LRRC52: variants seen among roughly 807,000 people sequenced by gnomAD.
The protein encoded by LRRC52 is leucine rich repeat containing 52, also known as leucine-rich repeat-containing protein 52.
Under a neutral mutation model 14.7 loss-of-function variants are expected in LRRC52, and 15 were observed. The ratio of observed to expected loss-of-function variants is 1.02; its 90% CI spans 0.68 to 1.58. The LOEUF (loss-of-function observed/expected upper bound fraction) is 1.58. LRRC52 is among the 40% of genes most tolerant of loss of function. LRRC52 has a pLI of 0.00. For missense variants in LRRC52, 400 were observed against 387.7 expected, an observed-to-expected ratio of 1.03 and a Z score of -0.27; for synonymous variants, 180 against 163.9, an observed-to-expected ratio of 1.10 and a Z score of -0.75.
In LRRC52 at chr1:165,563,886, C is replaced by A; in HGVS notation, c.*62C>A. ...CTCCCTGCTTTCTCTCTTGCCCTCCCCATCCCACCACCTTGGAGCTGTCAT... is the reference window on the plus strand; with the variant it reads ...CTCCCTGCTTTCTCTCTTGCCCTCCACATCCCACCACCTTGGAGCTGTCAT... On this transcript the variant is annotated 3_prime_UTR_variant, in exon 2 of 2. Coordinates refer to ENST00000294818, the MANE Select transcript of LRRC52 (RefSeq NM_001005214.4). The A allele has an allele frequency of 1.3e-6, 2 of 1,499,206 alleles. No individual in the cohort carries two copies. The highest frequency in any genetic ancestry group is 1.2e-5 in the South Asian group (1 of 81,140). 92.9% of individuals were successfully genotyped at this position (1,499,206 alleles called of 1,614,324 possible).
At chr1:165,562,097 G>A (rs750553989) in intron 1 of LRRC52, among the ~76,000 whole-genome samples, 7 of 152,136 alleles carry the variant, frequency 4.6e-5, no homozygotes, top group Non-Finnish European at 8.8e-5. Context: ...TCCCACTTAC[G>A]CAAAGCAAGC....
intron 1 of LRRC52, among the ~76,000 whole-genome samples, chr1:165,546,609 C>G (rs1478433523): frequency 1.3e-5 from 2 of 152,096 alleles, no homozygotes; most frequent in African/African-American, 4.8e-5. Context: ...CCCTCCCCAC[C>G]ATACATGCAC....
chr1:165,555,888 G>A (rs1661224073), intron 1 of LRRC52, among the ~76,000 whole-genome samples: 1 of 152,214 alleles, frequency 6.6e-6, no homozygotes, highest in Non-Finnish European at 1.5e-5. Context: ...ATTTTTCTGA[G>A]CAGATGGGTA....
At chr1:165,545,859 T>C (rs1022953993) in intron 1 of LRRC52, among the ~76,000 whole-genome samples, 1 of 152,178 alleles carries the variant, frequency 6.6e-6, no homozygotes, top group Non-Finnish European at 1.5e-5. Flanking sequence ...GCCACTGATG[T>C]AATCCGGCAA....
intron 1 of LRRC52, among the ~76,000 whole-genome samples, chr1:165,547,672 C>A (rs960051285): frequency 2.0e-5 from 3 of 152,138 alleles, no homozygotes; most frequent in Non-Finnish European, 2.9e-5. Context: ...TACATATGTT[C>A]ATACCATATA....
intron 1 of LRRC52, 43 bp downstream of exon 1, chr1:165,544,961 T>C: frequency 1.9e-6 from 3 of 1,596,726 alleles, no homozygotes; most frequent in Non-Finnish European, 2.6e-6. Flanking sequence ...GTGATTGAAG[T>C]GGCTCCAGAA....
At chr1:165,562,357 G>A (rs80348853) in intron 1 of LRRC52, among the ~76,000 whole-genome samples, 6,084 of 152,160 alleles carry the variant, frequency 0.04, 397 homozygotes, top group African/African-American at 0.14. Flanking sequence ...GCCCTGAGCC[G>A]GAGCTCAGTG....
chr1:165,554,254 C>T (rs976100644), intron 1 of LRRC52, among the ~76,000 whole-genome samples: 2 of 152,058 alleles, frequency 1.3e-5, no homozygotes, highest in African/African-American at 2.4e-5. Flanking sequence ...GAGTGTCACA[C>T]GAGATGCAGA....
In LRRC52 at chr1:165,548,400, G is replaced by A. The variant is rs377510609; in HGVS notation, c.622+3482G>A. Among the ~76,000 whole-genome samples, 14 of 152,316 alleles carry A rather than the reference G, an allele frequency of 9.2e-5. No individual in the cohort carries two copies. In the East Asian group the frequency reaches 2.1e-3, roughly 23 times the overall value. ...GTAACTAACCAAGAAACCTGAGGTT[G>A]CATATGGAGACTTACGTAACTCTAG... is the stretch of plus-strand genomic sequence containing the variant. On this transcript the variant is annotated intron_variant, in intron 1 of 1. Transcript: ENST00000294818.
chr1:165,544,481 A>G lies in LRRC52; in HGVS notation c.185A>G (p.Glu62Gly). The G allele has an allele frequency of 6.2e-7, 1 of 1,614,178 alleles. No homozygotes were observed. Among genetic ancestry groups the G allele is most frequent in the Non-Finnish European group, 8.5e-7 (1 of 1,180,030 alleles). ...PLNTRRLFLN[E>G]NRITSLPAMH... The stretch of plus-strand genomic sequence containing the variant: ...AACACCCGGAGGCTGTTCCTGAACG[A>G]GAACAGAATCACTAGTTTGCCAGCA... The change falls in exon 1 of 2, where the codon GAG becomes GGG. Residue 62 changes from glutamate (E) to glycine (G), a missense_variant. Glu to Gly is a moderately conservative substitution (Grantham distance 98, BLOSUM62 -2). Coordinates refer to ENST00000294818, the MANE Select transcript of LRRC52 (RefSeq NM_001005214.4).
intron 1 of LRRC52, among the ~76,000 whole-genome samples, chr1:165,553,532 G>C (rs951962992): frequency 3.3e-5 from 5 of 152,308 alleles, no homozygotes; most frequent in Admixed American, 2.6e-4. Context: ...AACAAATGAA[G>C]AAGGAGGATT....
rs181399595 is a variant in LRRC52, at chr1:165,553,975, G to C, written c.622+9057G>C. Among the ~76,000 whole-genome samples, 353 of 152,268 alleles carry C rather than the reference G, an allele frequency of 2.3e-3. 1 individual carries two copies. The highest frequency in any genetic ancestry group is 3.5e-3 in the South Asian group (17 of 4,822). Reference sequence around the variant, plus strand: ...TCCTTGAGATGCTCACATCCTAGTTGAGCAGGCAACACCAAGGTGGGCTGT... The same window carrying C: ...TCCTTGAGATGCTCACATCCTAGTTCAGCAGGCAACACCAAGGTGGGCTGT... On this transcript the variant is annotated intron_variant, in intron 1 of 1. Transcript: ENST00000294818.
intron 1 of LRRC52, among the ~76,000 whole-genome samples, chr1:165,558,673 TAAA>T (rs955045606): frequency 7.9e-5 from 12 of 151,644 alleles, no homozygotes; most frequent in African/African-American, 2.9e-4. Context: ...ATGATTTTTT[TAAA>T]AAAAGGAGGC....
intron 1 of LRRC52, among the ~76,000 whole-genome samples, chr1:165,553,834 A>C (rs944041771): frequency 1.3e-5 from 2 of 152,196 alleles, no homozygotes; most frequent in Non-Finnish European, 2.9e-5. Context: ...TTTCTCTTTC[A>C]GTGAGGTGAA....
Position 165,544,592 on chromosome 1 carries a change from G to A in LRRC52, c.296G>A (p.Gly99Glu), listed in dbSNP as rs370972088. ...IREVMDYTFI[G>E]VFKLIYLDLS... The stretch of plus-strand genomic sequence containing the variant: ...GAGGTGATGGATTATACCTTCATCG[G>A]GGTCTTCAAACTCATCTACCTTGAC... The change falls in exon 1 of 2, where the codon GGG becomes GAG. Residue 99 changes from glycine (G) to glutamate (E), a missense_variant. Physicochemically the swap from Gly to Glu is moderately conservative, Grantham distance 98. Coordinates refer to ENST00000294818, the MANE Select transcript of LRRC52 (RefSeq NM_001005214.4). 4.3e-6 allele frequency: 7 copies of A among 1,613,724 alleles called. No homozygotes were observed. The highest frequency in any genetic ancestry group is 5.1e-6 in the Non-Finnish European group (6 of 1,179,964).
chr1:165,556,625 C>G (rs1487859708), intron 1 of LRRC52, among the ~76,000 whole-genome samples: 1 of 152,186 alleles, frequency 6.6e-6, no homozygotes, highest in Non-Finnish European at 1.5e-5. Context: ...AGCTGTGTTC[C>G]AATAAAACTT....
Position 165,563,818 on chromosome 1 carries a change from T to C in LRRC52, c.936T>C (p.Leu312=). Residue 312 remains leucine, a synonymous_variant, in exon 2 of 2, where the codon CTT becomes CTC. Coordinates refer to ENST00000294818, the MANE Select transcript of LRRC52 (RefSeq NM_001005214.4). The part of the protein sequence containing the change: ...QTSSVQEFPQ[L]I ...GCTCGGTCCAGGAGTTCCCTCAGCT[T>C]ATTTAGTTGCCAGAGACCACTATCT... is the stretch of plus-strand genomic sequence containing the variant. 6.2e-7 allele frequency: 1 copy of C among 1,613,630 alleles called. No homozygotes were observed. Among genetic ancestry groups the C allele is most frequent in the Non-Finnish European group, 8.5e-7 (1 of 1,179,650 alleles).
intron 1 of LRRC52, among the ~76,000 whole-genome samples, chr1:165,560,701 C>CT (rs1661322939): frequency 6.6e-6 from 1 of 152,040 alleles, no homozygotes; most frequent in Non-Finnish European, 1.5e-5. Context: ...TCCTGCAAAA[C>CT]TAGGGGTATG....
chr1:165,563,774 A>G lies in LRRC52; in HGVS notation c.892A>G (p.Ile298Val). The change falls in exon 2 of 2, where the codon ATT becomes GTT. Residue 298 changes from isoleucine (I) to valine (V), a missense_variant. Coordinates refer to ENST00000294818, the MANE Select transcript of LRRC52 (RefSeq NM_001005214.4). Reference protein sequence around the residue: ...AGTRVEVSRRIFQTQTSSVQE... With the variant: ...AGTRVEVSRRVFQTQTSSVQE... ...GACTAGGGTGGAAGTCAGCCGGCGG[A>G]TTTTTCAAACCCAGACGAGCTCGGT... 1 of 1,614,100 alleles carries G rather than the reference A, an allele frequency of 6.2e-7. No individual in the cohort carries two copies. Among genetic ancestry groups the G allele is most frequent in the Non-Finnish European group, 8.5e-7 (1 of 1,180,020 alleles).
Sources: allele counts gnomAD v4.1 joint callset (sites outside exome capture counted in the v4.1 genomes callset), GRCh38; gene constraint gnomAD v4.1.1; transcripts MANE v1.5; gene names NCBI Gene and HGNC (gene_info 2026-07-23, HGNC 2026-07-21).